FANCD2: variants seen among roughly 807,000 people sequenced by gnomAD.
The protein encoded by FANCD2 is Fanconi anemia group D2 protein.
A neutral mutation model predicts 192.3 loss-of-function variants in FANCD2; 131 were observed. The observed-to-expected ratio is 0.68, with a 90% CI of 0.59 to 0.79. The LOEUF (loss-of-function observed/expected upper bound fraction) is 0.79. FANCD2 is among the 30% of genes least tolerant of loss of function. The probability of loss-of-function intolerance (pLI) is 0.00; values close to 1 mark genes in which losing one functional copy is unlikely to be tolerated. For missense variants in FANCD2, 1,508 were observed against 1,701.6 expected, an observed-to-expected ratio of 0.89 and a Z score of 2.00; for synonymous variants, 524 against 612.5, an observed-to-expected ratio of 0.86 and a Z score of 2.13.
In FANCD2 at chr3:10,087,527, C is replaced by CA. The variant is rs112934348; in HGVS notation, c.3466+275dup. Reference sequence around the variant, plus strand: ...TAAGTTTAATCATGTTCTTCCTTTTCAAAAAAAAAAAATTTATCTGAGACA... The same window carrying CA: ...TAAGTTTAATCATGTTCTTCCTTTTCAAAAAAAAAAAAATTTATCTGAGACA... On this transcript the variant is annotated intron_variant, in intron 34 of 43. Transcript: ENST00000675286. 0.26 allele frequency among the ~76,000 whole-genome samples: 36,268 copies of CA among 139,792 alleles called. 5,886 individuals carry two copies. Among genetic ancestry groups the CA allele is most frequent in the African/African-American group, 0.48 (19,005 of 39,348 alleles). 91.7% of individuals were successfully genotyped at this position (139,792 alleles called of 152,430 possible).
intron 9 of FANCD2, 74 bp downstream of exon 9, chr3:10,039,919 A>C (rs753784107): frequency 1.3e-6 from 2 of 1,569,420 alleles, no homozygotes; most frequent in Admixed American, 3.3e-5. Flanking sequence ...TGCAAAGAGC[A>C]GTAGTAATAT....
intron 23 of FANCD2, 99 bp downstream of exon 23, chr3:10,064,974 T>C (rs748847222): frequency 2.2e-5 from 28 of 1,294,934 alleles, no homozygotes; most frequent in Non-Finnish European, 2.9e-5. Flanking sequence ...AAAGTTTCTC[T>C]CGAGACAAAT....
intron 43 of FANCD2, among the ~76,000 whole-genome samples, chr3:10,100,923 G>T (rs1320069639): frequency 6.6e-6 from 1 of 152,144 alleles, no homozygotes; most frequent in Non-Finnish European, 1.5e-5. Context: ...ACAAAAATTA[G>T]CCGGGCGTGG....
rs1460599556 is a variant in FANCD2, at chr3:10,093,310, A to G, written c.3875A>G (p.His1292Arg). 4 of 1,613,260 alleles carry G rather than the reference A, an allele frequency of 2.5e-6. No homozygotes were observed. The highest frequency in any genetic ancestry group is 3.4e-6 in the Non-Finnish European group (4 of 1,179,336). Residue 1292 changes from histidine to arginine, a missense_variant, in exon 39 of 44, where the codon CAT becomes CGT. Transcript: ENST00000675286. ...GTATTTGATAGTCATCCTGTTCTGC[A>G]TGTATGTTTGAAGGTGAGAGATTTA... ...IKVFDSHPVL[H>R]VCLKYGRLFV...
rs1218770722 is a variant in FANCD2 at position 10,035,883 on chromosome 3, TTAA to T, written c.439-398_439-396del. Among the ~76,000 whole-genome samples the T allele has an allele frequency of 3.9e-5, 6 of 152,108 alleles. No individual in the cohort carries two copies. The East Asian group carries it at 5.8e-4, about 15-fold the overall frequency. ...TTTTGTGGATTAACAGTTATTGTAT[TTAA>T]TAATATTTTAATTATCTGATTATTT... On this transcript the variant is annotated intron_variant, in intron 6 of 43. Transcript: ENST00000675286.
intron 18 of FANCD2, among the ~76,000 whole-genome samples, chr3:10,054,459 A>G (rs1294237279): frequency 4.5e-5 from 1 of 21,992 alleles, no homozygotes; most frequent in African/African-American, 1.6e-4. Context: ...ATATATATAT[A>G]TATATATATA....
rs753430541 is a variant in FANCD2, at chr3:10,064,882, A to G, written c.2168+7A>G. 2 of 1,613,500 alleles carry G rather than the reference A, an allele frequency of 1.2e-6. No individual in the cohort carries two copies. Among genetic ancestry groups the G allele is most frequent in the Non-Finnish European group, 8.5e-7 (1 of 1,179,558 alleles). On this transcript the variant is annotated splice_region_variant and intron_variant, in intron 23 of 43. Coordinates refer to ENST00000675286, the MANE Select transcript of FANCD2 (RefSeq NM_001018115.3). ...CACAGGAATCAGGCCAAAAGTCAGT[A>G]TAGTTTTTCTTTTCTAAACCTGTTA... is the stretch of plus-strand genomic sequence containing the variant.
chr3:10,096,136 C>G (rs779538475), intron 41 of FANCD2, among the ~76,000 whole-genome samples, 190 bp from the exon 42 acceptor site: 1 of 152,122 alleles, frequency 6.6e-6, no homozygotes, highest in Admixed American at 6.5e-5. Context: ...GGTATGTCTT[C>G]TAGGCTTTGA....
intron 18 of FANCD2, among the ~76,000 whole-genome samples, chr3:10,054,464 TATATATA>T (rs2087337923): frequency 3.1e-4 from 9 of 29,232 alleles, no homozygotes; most frequent in South Asian, 1.2e-3. Flanking sequence ...TATATATATA[TATATATA>T]TATTTTTTTT....
intron 2 of FANCD2, among the ~76,000 whole-genome samples, chr3:10,030,608 G>T (rs888983626): frequency 1.3e-5 from 2 of 152,054 alleles, no homozygotes; most frequent in African/African-American, 2.4e-5. Flanking sequence ...ATTTAGAAAC[G>T]GAAACTGTGG....
At chr3:10,054,816 CCT>C (rs1006636835) in intron 18 of FANCD2, among the ~76,000 whole-genome samples, 6 of 151,352 alleles carry the variant, frequency 4.0e-5, no homozygotes, top group African/African-American at 1.5e-4. Context: ...TTTTTCCCCC[CCT>C]TTCTTGGATC....
chr3:10,039,078 TC>T (rs1378361473), intron 7 of FANCD2, among the ~76,000 whole-genome samples, 200 bp from the exon 8 acceptor site: 5 of 152,198 alleles, frequency 3.3e-5, no homozygotes. Flanking sequence ...TAGCATGTCT[TC>T]TAGACATTTT....
intron 15 of FANCD2, among the ~76,000 whole-genome samples, chr3:10,047,145 A>G (rs1223302341): frequency 6.6e-6 from 1 of 152,282 alleles, no homozygotes; most frequent in Non-Finnish European, 1.5e-5. Flanking sequence ...AGAAAACTGG[A>G]TGGGCCAGTG....
chr3:10,095,548 C>T (rs542414637), intron 41 of FANCD2, among the ~76,000 whole-genome samples: 271 of 152,318 alleles, frequency 1.8e-3, no homozygotes, highest in African/African-American at 6.2e-3. Context: ...TATATGTTTA[C>T]TTCTGCAAAG....
intron 26 of FANCD2, among the ~76,000 whole-genome samples, chr3:10,069,725 A>G (rs1299485018): frequency 6.6e-6 from 1 of 152,076 alleles, no homozygotes; most frequent in Non-Finnish European, 1.5e-5. Flanking sequence ...CAGCCTCCCG[A>G]GGTGCCGGGA....
At chr3:10,089,041 G>C in intron 36 of FANCD2, 91 bp downstream of exon 36, 1 of 1,417,722 alleles carries the variant, frequency 7.1e-7, no homozygotes, top group Non-Finnish European at 9.9e-7. Flanking sequence ...CCAGCACTTT[G>C]GGAGGCTGAG....
chr3:10,100,525 C>G (rs1695239708), intron 43 of FANCD2, among the ~76,000 whole-genome samples: 1 of 152,164 alleles, frequency 6.6e-6, no homozygotes, highest in Admixed American at 6.5e-5. Context: ...GTGCCTGCAA[C>G]CATGCCCGGC....
chr3:10,047,938 T>C lies in FANCD2; in HGVS notation c.1300T>C (p.Ser434Pro). 6.2e-7 allele frequency: 1 copy of C among 1,613,172 alleles called. No homozygotes were observed. Among genetic ancestry groups the C allele is most frequent in the South Asian group, 1.1e-5 (1 of 91,038 alleles). Residue 434 changes from serine (S) to proline (P), a missense_variant, in exon 16 of 44, where the codon TCC becomes CCC. Physicochemically the swap from Ser to Pro is moderately conservative, Grantham distance 74 (BLOSUM62 -1). Around this residue, in one of 5 missense-constraint regions of FANCD2, gnomAD observed 108 missense variants for 174.1 expected, o/e 0.62. Transcript: ENST00000675286. Reference sequence around the variant, plus strand: ...CAAGGTTCTTAAGGATATGTGTTCATCCATTCTGTCGCTGGCTCAGAGTTT... The same window carrying C: ...CAAGGTTCTTAAGGATATGTGTTCACCCATTCTGTCGCTGGCTCAGAGTTT... ...HYLVLKDMCSSILSLAQSLLH... is the reference protein window; with the variant it reads ...HYLVLKDMCSPILSLAQSLLH...
chr3:10,091,475 A>G (rs1164852559), intron 37 of FANCD2, among the ~76,000 whole-genome samples: 1 of 151,664 alleles, frequency 6.6e-6, no homozygotes, highest in Non-Finnish European at 1.5e-5. Context: ...CTGTCTCAAA[A>G]AGAAAAAAAA....
Sources: allele counts gnomAD v4.1 joint callset (sites outside exome capture counted in the v4.1 genomes callset), GRCh38; gene constraint gnomAD v4.1.1; regional missense constraint gnomAD v4.1.1; transcripts MANE v1.5; gene names NCBI Gene and HGNC (gene_info 2026-07-23, HGNC 2026-07-21).